PDE5A: variants seen among roughly 807,000 people sequenced by gnomAD.
PDE5A encodes the protein phosphodiesterase 5A.
A neutral mutation model predicts 110.2 loss-of-function variants in PDE5A; 67 were observed. That is an observed-to-expected ratio of 0.61 (90% confidence interval 0.50 to 0.75). The LOEUF (loss-of-function observed/expected upper bound fraction) is 0.75. Among genes scored for constraint, PDE5A ranks in the 30% least tolerant of loss-of-function variants. PDE5A has a pLI of 0.00. For synonymous variants in PDE5A, 328 were observed against 351.2 expected, an observed-to-expected ratio of 0.93 and a Z score of 0.74; for missense variants, 862 against 1,045.1, an observed-to-expected ratio of 0.82 and a Z score of 2.42.
In PDE5A at chr4:119,497,386, G is replaced by GA. The variant is rs1725113948; in HGVS notation, c.*1214dup. 1 of 152,172 alleles carries GA rather than the reference G, an allele frequency of 6.6e-6. No homozygotes were observed. The highest frequency in any genetic ancestry group is 2.4e-5 in the African/African-American group (1 of 41,548). 9.4% of individuals were successfully genotyped at this position (152,172 alleles called of 1,614,324 possible). A position where few individuals can be genotyped will look rare whatever the true frequency, so the allele number is the denominator to read the frequency against. On this transcript the variant is annotated 3_prime_UTR_variant, in exon 21 of 21. Coordinates refer to ENST00000354960, the MANE Select transcript of PDE5A (RefSeq NM_001083.4). ...CCACTTAAATGGGCTCAAATTCTAA[G>GA]AAAATATTAACTATACTAAATGTTA...
At chr4:119,539,278 A>G (rs568597522) in intron 10 of PDE5A, among the ~76,000 whole-genome samples, 2 of 152,274 alleles carry the variant, frequency 1.3e-5, no homozygotes, top group East Asian at 3.9e-4. Context: ...TTGCTATAAC[A>G]AACACATTAT....
intron 2 of PDE5A, 89 bp downstream of exon 2, chr4:119,606,620 G>T: frequency 1.2e-6 from 1 of 803,618 alleles, no homozygotes; most frequent in Non-Finnish European, 2.1e-6. Flanking sequence ...CACCATTCAT[G>T]ATTGCTATCC....
In PDE5A at chr4:119,613,919, TA is replaced by T. The variant is rs374648849; in HGVS notation, c.153-6623del. Among the ~76,000 whole-genome samples the T allele has an allele frequency of 8.5e-5, 13 of 152,148 alleles. No homozygotes were observed. In the East Asian group the frequency reaches 1.7e-3, roughly 20 times the overall value. ...GTTTCCTATTCCAGGTACTATACCC[TA>T]TTAAGAATATAAAAGTTCCCAGAGC... On this transcript the variant is annotated intron_variant, in intron 1 of 20. Coordinates refer to ENST00000354960, the MANE Select transcript of PDE5A (RefSeq NM_001083.4).
intron 1 of PDE5A, among the ~76,000 whole-genome samples, chr4:119,623,828 T>C (rs1457368640): frequency 1.3e-5 from 2 of 152,246 alleles, no homozygotes; most frequent in Non-Finnish European, 2.9e-5. Flanking sequence ...CTATTTAAGT[T>C]TGTGTTATAC....
chr4:119,608,972 T>TA (rs778381280), intron 1 of PDE5A, among the ~76,000 whole-genome samples: 1 of 151,900 alleles, frequency 6.6e-6, no homozygotes, highest in Non-Finnish European at 1.5e-5. Context: ...CCATCCTGGC[T>TA]ACATGGTGAA....
rs11356355 is a variant in PDE5A at position 119,561,224 on chromosome 4, G to GA, written c.1132-862dup. Among the ~76,000 whole-genome samples, 1,251 of 149,888 alleles carry GA rather than the reference G, an allele frequency of 8.3e-3. 12 individuals are homozygous for GA. The highest frequency in any genetic ancestry group is 0.029 in the African/African-American group (1,183 of 40,978). ...ATTTATACAGAATTGGAAGAAAACA[G>GA]AAAAAAAAAATGATAGTTTAATCTG... On this transcript the variant is annotated intron_variant, in intron 6 of 20. Coordinates refer to ENST00000354960, the MANE Select transcript of PDE5A (RefSeq NM_001083.4).
chr4:119,595,330 C>A (rs533499123), intron 3 of PDE5A, among the ~76,000 whole-genome samples: 1 of 152,304 alleles, frequency 6.6e-6, no homozygotes, highest in East Asian at 1.9e-4. Context: ...AATACTAATA[C>A]CTGGGTCCCA....
intron 5 of PDE5A, among the ~76,000 whole-genome samples, chr4:119,564,063 A>G (rs964503065): frequency 2.6e-5 from 4 of 152,112 alleles, no homozygotes; most frequent in African/African-American, 4.8e-5. Flanking sequence ...AAGTTACAAA[A>G]GCAAATATAA....
intron 9 of PDE5A, chr4:119,543,065 C>CACACACACACAT (rs1424899932): frequency 1.9e-5 from 3 of 156,084 alleles, no homozygotes; most frequent in Non-Finnish European, 4.2e-5. Context: ...CACACACACA[C>CACACACACACAT]ACACACACAC....
intron 8 of PDE5A, among the ~76,000 whole-genome samples, chr4:119,553,206 G>C (rs1727418800): frequency 6.6e-6 from 1 of 152,042 alleles, no homozygotes; most frequent in Non-Finnish European, 1.5e-5. Flanking sequence ...CTGAGAACTA[G>C]ATATTTGTAG....
intron 17 of PDE5A, among the ~76,000 whole-genome samples, chr4:119,505,435 C>G (rs1364404025): frequency 1.3e-5 from 2 of 152,066 alleles, no homozygotes; most frequent in African/African-American, 4.8e-5. Flanking sequence ...TAATAGTATT[C>G]CTTCCATGTC....
chr4:119,540,689 C>T (rs1048839070), intron 10 of PDE5A, among the ~76,000 whole-genome samples: 1 of 152,240 alleles, frequency 6.6e-6, no homozygotes, highest in Middle Eastern at 3.4e-3. Flanking sequence ...CATTAGAATA[C>T]AATTGAAACA....
At position 119,520,948 on chromosome 4, in the gene PDE5A, G is replaced by T. The variant is rs1010069521; in HGVS notation, c.1892C>A (p.Ala631Glu). 6.2e-7 allele frequency: 1 copy of T among 1,608,786 alleles called. No homozygotes were observed. The highest frequency in any genetic ancestry group is 1.7e-4 in the Middle Eastern group (1 of 6,036). ...TCTAAAAAGTACCTGAATTTTGCCT[G>T]CTTTTAGAGCAGCAAACATGCACTG... ...TAQCMFAALK[A>E]GKIQNKLTDL... The change falls in exon 13 of 21, where the codon GCA (alanine) becomes GAA (glutamate). Residue 631 changes from alanine to glutamate, a missense_variant. Ala to Glu is a moderately radical substitution (Grantham distance 107). Coordinates refer to ENST00000354960, the MANE Select transcript of PDE5A (RefSeq NM_001083.4).
At chr4:119,595,585 A>G (rs1729125540) in intron 3 of PDE5A, among the ~76,000 whole-genome samples, 1 of 152,182 alleles carries the variant, frequency 6.6e-6, no homozygotes, top group Non-Finnish European at 1.5e-5. Context: ...CTCTCTTCGG[A>G]AGCTGGGACA....
intron 1 of PDE5A, 126 bp downstream of exon 1, chr4:119,628,394 T>C: frequency 1.5e-6 from 1 of 681,698 alleles, no homozygotes; most frequent in Non-Finnish European, 2.4e-6. Flanking sequence ...AGTTGAGGTT[T>C]CTACCTCGTA....
chr4:119,532,075 A>G (rs146191438), intron 11 of PDE5A, among the ~76,000 whole-genome samples: 2 of 152,296 alleles, frequency 1.3e-5, no homozygotes, highest in African/African-American at 4.8e-5. Flanking sequence ...GGGAAAAGAA[A>G]GCAAAATCTT....
intron 14 of PDE5A, among the ~76,000 whole-genome samples, chr4:119,516,871 G>A (rs1188824422): frequency 1.3e-5 from 2 of 152,070 alleles, no homozygotes; most frequent in Non-Finnish European, 2.9e-5. Flanking sequence ...CACCTGTCTC[G>A]GCCTCCCAAA....
intron 3 of PDE5A, among the ~76,000 whole-genome samples, chr4:119,592,117 A>G (rs541357256): frequency 1.7e-5 from 2 of 116,896 alleles, no homozygotes; most frequent in South Asian, 2.9e-4. Flanking sequence ...ACCACACTGC[A>G]CTCCAGCCTG....
In PDE5A at chr4:119,587,146, C is replaced by T. The variant is rs147679243; in HGVS notation, c.831+9377G>A. 4.1e-3 allele frequency among the ~76,000 whole-genome samples: 618 copies of T among 152,100 alleles called. 12 individuals are homozygous for T. In the East Asian group the frequency reaches 0.047, roughly 11 times the overall value. On this transcript the variant is annotated intron_variant, in intron 3 of 20. Coordinates refer to ENST00000354960, the MANE Select transcript of PDE5A (RefSeq NM_001083.4). ...AAGTCCAGAACAAACAGAAACTCTG[C>T]GCAGCACTTTTGTTTCTAAAACAAA...
Sources: allele counts gnomAD v4.1 joint callset (sites outside exome capture counted in the v4.1 genomes callset), GRCh38; gene constraint gnomAD v4.1.1; transcripts MANE v1.5; gene names NCBI Gene and HGNC (gene_info 2026-07-23, HGNC 2026-07-21).